APBA2: variants seen among roughly 807,000 people sequenced by gnomAD.
APBA2 encodes amyloid-beta A4 precursor protein-binding family A member 2.
A neutral mutation model predicts 75.0 loss-of-function variants in APBA2; 30 were observed. The observed-to-expected ratio is 0.40, with a 90% confidence interval of 0.30 to 0.54. APBA2 has a LOEUF of 0.54. Ranked by LOEUF, APBA2 falls within the 20% of genes least tolerant of loss-of-function variation. The pLI is 0.49. For missense variants in APBA2, 801 were observed against 1,016.1 expected (o/e 0.79, Z 2.88); for synonymous variants, 444 against 409.6 (o/e 1.08, Z -1.01).
chr15:28,936,269 A>G (rs1261541135), intron 2 of APBA2, among the ~76,000 whole-genome samples: 2 of 152,192 alleles, frequency 1.3e-5, no homozygotes, highest in African/African-American at 4.8e-5. Flanking sequence ...AATAGAAGCC[A>G]TGGTCCATTC....
chr15:29,064,500 C>T (rs924035667), intron 4 of APBA2, among the ~76,000 whole-genome samples: 3 of 152,178 alleles, frequency 2.0e-5, no homozygotes, highest in Non-Finnish European at 2.9e-5. Context: ...AGGCTCCAGA[C>T]GAGTTCCAGG....
At chr15:28,939,180 C>T (rs185569576) in intron 2 of APBA2, among the ~76,000 whole-genome samples, 93 of 152,290 alleles carry the variant, frequency 6.1e-4, no homozygotes, top group African/African-American at 2.2e-3. Flanking sequence ...TTGTGGCATG[C>T]GTCAGAATTG....
intron 3 of APBA2, among the ~76,000 whole-genome samples, chr15:28,998,042 G>A (rs1814591639): frequency 6.6e-6 from 1 of 152,152 alleles, no homozygotes; most frequent in Admixed American, 6.5e-5. Context: ...AGAGAAGAAA[G>A]GGCCGGGGTT....
At chr15:28,960,379 C>T (rs2036402515) in intron 2 of APBA2, among the ~76,000 whole-genome samples, 1 of 151,746 alleles carries the variant, frequency 6.6e-6, no homozygotes. Context: ...AGGAGGATTG[C>T]CTGAGCCTGA....
At chr15:29,019,224 C>G (rs547176786) in intron 3 of APBA2, among the ~76,000 whole-genome samples, 2 of 152,348 alleles carry the variant, frequency 1.3e-5, no homozygotes, top group East Asian at 3.9e-4. Context: ...CCCTTTCCCC[C>G]TCCTGTTCTG....
chr15:29,108,554 C>A, intron 13 of APBA2, 165 bp downstream of exon 13: 3 of 1,100,490 alleles, frequency 2.7e-6, no homozygotes, highest in South Asian at 1.5e-5. Context: ...CTTTCCATGG[C>A]TCTCTGGGAG....
intron 10 of APBA2, among the ~76,000 whole-genome samples, chr15:29,103,045 AC>A (rs1385002957): frequency 6.6e-6 from 1 of 152,218 alleles, no homozygotes; most frequent in East Asian, 1.9e-4. Flanking sequence ...CCACCGCTAC[AC>A]GGAGACCCTT....
intron 6 of APBA2, among the ~76,000 whole-genome samples, chr15:29,081,936 C>T (rs977603044): frequency 6.6e-6 from 1 of 152,212 alleles, no homozygotes; most frequent in Non-Finnish European, 1.5e-5. Context: ...CACAGCAACT[C>T]TGATAGACAC....
intron 2 of APBA2, among the ~76,000 whole-genome samples, chr15:28,967,514 C>T (rs2036800828): frequency 6.6e-6 from 1 of 152,176 alleles, no homozygotes; most frequent in African/African-American, 2.4e-5. Flanking sequence ...TCTTGGCCCA[C>T]TGCAAGCTCC....
intron 1 of APBA2, among the ~76,000 whole-genome samples, chr15:28,889,603 AC>A (rs758093309): frequency 1.9e-4 from 29 of 152,132 alleles, no homozygotes; most frequent in Admixed American, 7.8e-4. Context: ...GGTTGTCCCC[AC>A]CCCATCCCCA....
intron 2 of APBA2, among the ~76,000 whole-genome samples, chr15:28,953,513 G>A (rs1435813315): frequency 6.6e-6 from 1 of 151,466 alleles, no homozygotes; most frequent in African/African-American, 2.4e-5. Context: ...CTCCCTTCCC[G>A]TTCTCTCTTA....
At position 28,918,486 on chromosome 15, in the gene APBA2, C is replaced by T. The variant is rs2033793951; in HGVS notation, c.-204-3154C>T. Among the ~76,000 whole-genome samples the T allele has an allele frequency of 6.6e-6, 1 of 152,196 alleles. No homozygotes were observed. Among genetic ancestry groups the T allele is most frequent in the South Asian group, 2.1e-4 (1 of 4,828 alleles). On this transcript the variant is annotated intron_variant, in intron 1 of 14. Transcript: ENST00000683413. The surrounding 1 kb of genome is among the most constrained non-coding windows in gnomAD (Gnocchi z 4.2). Reference sequence around the variant, plus strand: ...GTGGGAGAGGTGAAGCAGATGGCTTCCCCCACTGCAAGGAGGAATCCCGGT... The same window carrying T: ...GTGGGAGAGGTGAAGCAGATGGCTTTCCCCACTGCAAGGAGGAATCCCGGT...
At position 29,094,230 on chromosome 15, in the gene APBA2, C is replaced by T. The variant is rs746624041; in HGVS notation, c.1216-48C>T. 2.5e-6 allele frequency: 4 copies of T among 1,604,542 alleles called. No homozygotes were observed. In the South Asian group the frequency reaches 4.4e-5, roughly 18 times the overall value. On this transcript the variant is annotated intron_variant, in intron 7 of 14. Coordinates refer to ENST00000683413, the MANE Select transcript of APBA2 (RefSeq NM_001353788.2). ...AAAGTGACATAACCTCACGCACCTT[C>T]CTTCTCTCTGTGCCAACTTGTTTTT...
chr15:28,914,903 A>T (rs1288171980), intron 1 of APBA2, among the ~76,000 whole-genome samples: 1 of 151,804 alleles, frequency 6.6e-6, no homozygotes, highest in Non-Finnish European at 1.5e-5. Context: ...TCTGCAGTGC[A>T]CAGGTGTGCA....
At chr15:28,927,959 C>T (rs1327715514) in intron 2 of APBA2, among the ~76,000 whole-genome samples, 2 of 151,178 alleles carry the variant, frequency 1.3e-5, no homozygotes, top group African/African-American at 4.9e-5. Flanking sequence ...ATCTGACCAA[C>T]ATGGAGAAAC....
intron 12 of APBA2, 142 bp from the exon 13 acceptor site, chr15:29,108,128 C>T (rs996669731): frequency 2.3e-5 from 29 of 1,241,686 alleles, no homozygotes; most frequent in Middle Eastern, 2.6e-4. Context: ...GAGGGGCTAC[C>T]GAGGCTGAGA....
chr15:28,971,872 C>T (rs549839248), intron 2 of APBA2, among the ~76,000 whole-genome samples: 1 of 152,256 alleles, frequency 6.6e-6, no homozygotes, highest in African/African-American at 2.4e-5. Flanking sequence ...CCAAGCACAC[C>T]TAGCGTCCAT....
chr15:28,972,577 T>C (rs1025175512), intron 2 of APBA2, among the ~76,000 whole-genome samples: 15 of 152,322 alleles, frequency 9.8e-5, no homozygotes, highest in Admixed American at 2.0e-4. Context: ...CACAATACTT[T>C]TAAGAAACTC....
At chr15:28,934,564 C>T (rs1317569832) in intron 2 of APBA2, among the ~76,000 whole-genome samples, 1 of 152,158 alleles carries the variant, frequency 6.6e-6, no homozygotes, top group Non-Finnish European at 1.5e-5. Context: ...GGCGGGAAAC[C>T]AGGGGCTTGG....
Sources: allele counts gnomAD v4.1 joint callset (sites outside exome capture counted in the v4.1 genomes callset), GRCh38; gene constraint gnomAD v4.1.1; non-coding constraint Gnocchi (gnomAD v3.1); transcripts MANE v1.5; gene names NCBI Gene and HGNC (gene_info 2026-07-23, HGNC 2026-07-21).